Variants in DCAF10 observed in about 807,000 individuals in gnomAD.
DCAF10 encodes the protein DDB1 and CUL4 associated factor 10, also known as DDB1- and CUL4-associated factor 10.
Under a neutral mutation model 51.9 loss-of-function variants are expected in DCAF10, and 19 were observed. That is an observed-to-expected ratio of 0.37 (90% CI 0.26 to 0.54). The LOEUF is 0.54. DCAF10 is among the 20% of genes least tolerant of loss of function. The probability of loss-of-function intolerance (pLI) is 0.87; values close to 1 mark genes in which losing one functional copy is unlikely to be tolerated. For synonymous variants in DCAF10, 291 were observed against 297.1 expected, an observed-to-expected ratio of 0.98 and a Z score of 0.21; for missense variants, 510 against 730.6, an observed-to-expected ratio of 0.70 and a Z score of 3.48.
At chr9:37,810,463 C>CTTTT (rs1051006264) in intron 1 of DCAF10, among the ~76,000 whole-genome samples, 7 of 147,802 alleles carry the variant, frequency 4.7e-5, no homozygotes, top group African/African-American at 1.8e-4. Flanking sequence ...TTCTTTCTTT[C>CTTTT]TTTTTTTTTT....
intron 3 of DCAF10, 45 bp from the exon 4 acceptor site, chr9:37,854,735 T>C: frequency 6.4e-7 from 1 of 1,554,380 alleles, no homozygotes; most frequent in Non-Finnish European, 8.8e-7. Context: ...TGAACCGTTA[T>C]ATTTATGATA....
intron 3 of DCAF10, among the ~76,000 whole-genome samples, chr9:37,851,164 A>T (rs1416687695): frequency 6.6e-6 from 1 of 151,584 alleles, no homozygotes; most frequent in East Asian, 2.0e-4. Context: ...GAATTGCTTG[A>T]ACCTGGGAGG....
rs201789974 is a variant in DCAF10, at chr9:37,857,334, G to A, written c.1148G>A (p.Arg383Gln). 2.5e-6 allele frequency: 4 copies of A among 1,604,384 alleles called. No individual in the cohort carries two copies. The highest frequency in any genetic ancestry group is 3.4e-6 in the Non-Finnish European group (4 of 1,177,056). Residue 383 changes from arginine to glutamine, a missense_variant, in exon 5 of 7, where the codon CGA (arginine) becomes CAA (glutamine). Arg to Gln is a conservative substitution (Grantham distance 43, BLOSUM62 1). Transcript: ENST00000377724. Reference protein sequence around the residue: ...DSNSSEKHMSRASQREGVSPR... With the variant: ...DSNSSEKHMSQASQREGVSPR... ...AATTCTTCTGAGAAACACATGTCACGAGCCTCTCAAAGAGAAGGTAGGTTA... is the reference window on the plus strand; with the variant it reads ...AATTCTTCTGAGAAACACATGTCACAAGCCTCTCAAAGAGAAGGTAGGTTA...
chr9:37,853,507 A>T (rs1830754158), intron 3 of DCAF10, among the ~76,000 whole-genome samples: 1 of 152,148 alleles, frequency 6.6e-6, no homozygotes, highest in Non-Finnish European at 1.5e-5. Context: ...GATGAGCAAA[A>T]AGATTGTTAA....
chr9:37,815,080 T>A (rs1463769206), intron 1 of DCAF10, among the ~76,000 whole-genome samples: 1 of 152,192 alleles, frequency 6.6e-6, no homozygotes. Flanking sequence ...AATATAGGAA[T>A]ATCTCAATAA....
chr9:37,842,328 A>T (rs760188229), intron 3 of DCAF10, 42 bp downstream of exon 3: 92 of 1,561,686 alleles, frequency 5.9e-5, no homozygotes, highest in Non-Finnish European at 7.4e-5. Context: ...GAACAAAAAC[A>T]TTTTTTTTAA....
Position 37,861,198 on chromosome 9 carries a change from G to C in DCAF10, c.1370G>C (p.Cys457Ser). The C allele has an allele frequency of 6.2e-7, 1 of 1,611,926 alleles. No individual in the cohort carries two copies. ...CCAGTGCGACCTGTCTCACCTCGCT[G>C]TTCTCTACGACTGACTCATTACATT... ...GAPVRPVSPR[C>S]SLRLTHYIEE... Residue 457 changes from cysteine (C) to serine (S), a missense_variant, in exon 7 of 7, where the codon TGT becomes TCT. Physicochemically the swap from Cys to Ser is moderately radical, Grantham distance 112. Coordinates refer to ENST00000377724, the MANE Select transcript of DCAF10 (RefSeq NM_024345.5). The surrounding 1 kb of genome is among the most constrained non-coding windows in gnomAD (Gnocchi z 4.9).
rs541767952 is a variant in DCAF10 at position 37,862,963 on chromosome 9, C to T, written c.*1455C>T. 2 of 152,204 alleles carry T rather than the reference C, an allele frequency of 1.3e-5. No homozygotes were observed. The highest frequency in any genetic ancestry group is 4.2e-4 in the South Asian group (2 of 4,816). The allele number at this position is 152,204 out of a possible 1,614,324, so 9.4% of individuals were successfully genotyped here. A position where few individuals can be genotyped will look rare whatever the true frequency, so the allele number is the denominator to read the frequency against. On this transcript the variant is annotated 3_prime_UTR_variant, in exon 7 of 7. Transcript: ENST00000377724. ...CAGGAATCTGTATTTTTCATAGCAA[C>T]CTCAAGTAATCTTTATTCTGAGGGT...
intron 2 of DCAF10, among the ~76,000 whole-genome samples, chr9:37,826,820 CTTTT>C (rs397893920): frequency 0.025 from 3,127 of 123,684 alleles, 106 homozygotes; most frequent in African/African-American, 0.091. Context: ...ACCACAATAC[CTTTT>C]TTTTTTTTTT....
At chr9:37,819,891 G>A (rs906372667) in intron 2 of DCAF10, among the ~76,000 whole-genome samples, 1 of 152,138 alleles carries the variant, frequency 6.6e-6, no homozygotes, top group Admixed American at 6.5e-5. Context: ...GAGTAGTTTG[G>A]TGATTAATAT....
Position 37,800,822 on chromosome 9 carries a change from G to C in DCAF10, c.-45G>C. 1.3e-6 allele frequency: 2 copies of C among 1,491,268 alleles called. No homozygotes were observed. The highest frequency in any genetic ancestry group is 2.5e-5 in the East Asian group (1 of 40,464). The allele number at this position is 1,491,268 out of a possible 1,614,324, so 92.4% of individuals were successfully genotyped here. A position where few individuals can be genotyped will look rare whatever the true frequency, so the allele number is the denominator to read the frequency against. On this transcript the variant is annotated 5_prime_UTR_variant, in exon 1 of 7. Transcript: ENST00000377724. The stretch of plus-strand genomic sequence containing the variant: ...AGCTGAACAGGGGCACTGAGGTGTC[G>C]GCCGGCGGGGCAGTGGCCCGGAGCG...
At chr9:37,814,127 T>TATA (rs1554685262) in intron 1 of DCAF10, among the ~76,000 whole-genome samples, 3 of 100,624 alleles carry the variant, frequency 3.0e-5, no homozygotes, top group African/African-American at 1.2e-4. Flanking sequence ...TATATATATA[T>TATA]TTGTTGTTGT....
chr9:37,815,650 A>T (rs143085712), intron 1 of DCAF10, among the ~76,000 whole-genome samples: 66 of 101,350 alleles, frequency 6.5e-4, no homozygotes, highest in African/African-American at 2.1e-3. Flanking sequence ...TGTCTCCAAT[A>T]AAAAAAAAAA....
rs1201705761 is a variant in DCAF10 at position 37,861,822 on chromosome 9, T to G, written c.*314T>G. The G allele has an allele frequency of 5.9e-5, 14 of 238,110 alleles. No individual in the cohort carries two copies. The highest frequency in any genetic ancestry group is 1.1e-4 in the Non-Finnish European group (13 of 119,932). 14.7% of individuals were successfully genotyped at this position (238,110 alleles called of 1,614,324 possible). On this transcript the variant is annotated 3_prime_UTR_variant, in exon 7 of 7. Coordinates refer to ENST00000377724, the MANE Select transcript of DCAF10 (RefSeq NM_024345.5). This position sits in a 1 kb window ranked among gnomAD's most constrained non-coding sequence, Gnocchi z 4.9. The stretch of plus-strand genomic sequence containing the variant: ...CGTTCCTTCCTTCCTCACTCTCTAT[T>G]TCTCTTTCCCTCTCCCTGTCCCTCT...
chr9:37,805,297 C>A (rs1200159869), intron 1 of DCAF10, among the ~76,000 whole-genome samples: 1 of 152,076 alleles, frequency 6.6e-6, no homozygotes, highest in Non-Finnish European at 1.5e-5. Flanking sequence ...GCCTGGCCAA[C>A]CTGATGAAAC....
rs115544540 is a variant in DCAF10, at chr9:37,844,699, G to T, written c.851+2413G>T. Among the ~76,000 whole-genome samples the T allele has an allele frequency of 8.4e-3, 1,277 of 152,042 alleles. 19 individuals carry two copies. The highest frequency in any genetic ancestry group is 0.029 in the African/African-American group (1,214 of 41,474). On this transcript the variant is annotated intron_variant, in intron 3 of 6. Coordinates refer to ENST00000377724, the MANE Select transcript of DCAF10 (RefSeq NM_024345.5). The stretch of plus-strand genomic sequence containing the variant: ...AAAAATAAATAAAACACAAAAATTA[G>T]CAGGGCCTAGTGGCACACGCCTGTA...
At chr9:37,809,660 C>T (rs1829269289) in intron 1 of DCAF10, among the ~76,000 whole-genome samples, 1 of 151,450 alleles carries the variant, frequency 6.6e-6, no homozygotes, top group Non-Finnish European at 1.5e-5. Context: ...AGGCGAAGCC[C>T]TGACTCTACT....
intron 3 of DCAF10, among the ~76,000 whole-genome samples, chr9:37,843,357 G>A (rs1275452056): frequency 1.3e-5 from 2 of 152,174 alleles, no homozygotes; most frequent in Non-Finnish European, 2.9e-5. Context: ...TATGTAAAAA[G>A]AGAGGGGCTA....
At chr9:37,826,951 A>C (rs997309684) in intron 2 of DCAF10, among the ~76,000 whole-genome samples, 1 of 149,192 alleles carries the variant, frequency 6.7e-6, no homozygotes, top group Non-Finnish European at 1.5e-5. Context: ...TCAGCCTCCC[A>C]AGTAGCTGGG....
Sources: gnomAD v4.1 joint callset for allele counts (sites outside exome capture counted in the v4.1 genomes callset) on GRCh38, gnomAD v4.1.1 for gene constraint, Gnocchi (gnomAD v3.1) non-coding constraint, MANE v1.5 for transcripts, NCBI Gene and HGNC (gene_info 2026-07-23, HGNC 2026-07-21) for gene names.